PTPN3: variants seen among roughly 807,000 people sequenced by gnomAD.
PTPN3 encodes the protein protein tyrosine phosphatase non-receptor type 3, also known as tyrosine-protein phosphatase non-receptor type 3.
PTPN3 carries 96 observed loss-of-function variants against 132.7 expected under a neutral mutation model. The observed-to-expected ratio is 0.72, with a 90% CI of 0.61 to 0.86. The LOEUF (loss-of-function observed/expected upper bound fraction) is 0.86, where lower values mean the gene tolerates loss of function less well. Among genes scored for constraint, PTPN3 ranks in the 40% least tolerant of loss-of-function variants. The pLI is 0.00. For missense variants in PTPN3, 1,125 were observed against 1,159.6 expected, an observed-to-expected ratio of 0.97 and a Z score of 0.43; for synonymous variants, 398 against 429.0, an observed-to-expected ratio of 0.93 and a Z score of 0.89.
At chr9:109,388,038 G>C (rs1839747408) in intron 22 of PTPN3, among the ~76,000 whole-genome samples, 1 of 152,238 alleles carries the variant, frequency 6.6e-6, no homozygotes, top group Non-Finnish European at 1.5e-5. Flanking sequence ...CGAGGCTGGG[G>C]AGCGGGGGTG....
At chr9:109,497,653 C>G (rs1050598103) in intron 1 of PTPN3, among the ~76,000 whole-genome samples, 1 of 152,236 alleles carries the variant, frequency 6.6e-6, no homozygotes, top group Non-Finnish European at 1.5e-5. Flanking sequence ...AGCTGTCTCA[C>G]CGCAGGTACC....
intron 14 of PTPN3, 37 bp downstream of exon 14, chr9:109,420,387 G>A (rs767425836): frequency 6.4e-7 from 1 of 1,552,248 alleles, no homozygotes; most frequent in Non-Finnish European, 8.8e-7. Context: ...CAGCCAAAAA[G>A]CAAATACCCA....
At chr9:109,520,761 G>C in the PTPN3 span, among the ~76,000 whole-genome samples, 1 of 152,192 alleles carries the variant, frequency 6.6e-6, no homozygotes, top group South Asian at 2.1e-4. Flanking sequence ...CACAAAGTGC[G>C]TCCACAGAAG....
chr9:109,452,009 C>A (rs1845278566), intron 5 of PTPN3, among the ~76,000 whole-genome samples: 1 of 152,140 alleles, frequency 6.6e-6, no homozygotes, highest in Admixed American at 6.5e-5. Flanking sequence ...GAGGCTCATG[C>A]CTGTAATCCC....
intron 1 of PTPN3, among the ~76,000 whole-genome samples, chr9:109,467,259 T>C (rs1306073273): frequency 6.8e-6 from 1 of 146,664 alleles, no homozygotes; most frequent in South Asian, 2.1e-4. Flanking sequence ...GAATCTCAGG[T>C]GGGTTACATT....
intron 3 of PTPN3, 34 bp downstream of exon 3, chr9:109,457,258 G>A (rs2132030709): frequency 2.5e-6 from 4 of 1,612,876 alleles, no homozygotes; most frequent in Middle Eastern, 1.7e-4. Flanking sequence ...AAACCGTGAA[G>A]GAGTTCAGCA....
chr9:109,410,032 T>G lies in PTPN3; in HGVS notation c.1545A>C (p.Pro515=), dbSNP rs755449481. The part of the protein sequence containing the change: ...DSYLVLIRIT[P]DEDGKFGFNL... The stretch of plus-strand genomic sequence containing the variant: ...TAAATCCAAATTTTCCATCTTCATC[T>G]GGTGTGATACGGATCAAGACTAAGT... The change falls in exon 16 of 26, where the codon CCA becomes CCC. Residue 515 remains proline, a synonymous_variant. Coordinates refer to ENST00000374541, the MANE Select transcript of PTPN3 (RefSeq NM_002829.4). 2 of 1,614,240 alleles carry G rather than the reference T, an allele frequency of 1.2e-6. No individual in the cohort carries two copies. The highest frequency in any genetic ancestry group is 1.7e-6 in the Non-Finnish European group (2 of 1,180,036).
chr9:109,458,298 C>T (rs1020947065), intron 2 of PTPN3, among the ~76,000 whole-genome samples: 5 of 152,124 alleles, frequency 3.3e-5, no homozygotes, highest in African/African-American at 7.2e-5. Context: ...TCCAGGCACA[C>T]GAGCTAAAAA....
Position 109,454,561 on chromosome 9 carries a change from A to G in PTPN3, c.303T>C (p.Cys101=). 2 of 1,613,178 alleles carry G rather than the reference A, an allele frequency of 1.2e-6. No homozygotes were observed. Among genetic ancestry groups the G allele is most frequent in the Non-Finnish European group, 1.7e-6 (2 of 1,179,414 alleles). The change falls in exon 5 of 26, where the codon TGT becomes TGC. Residue 101 remains cysteine (C), a synonymous_variant. Coordinates refer to ENST00000374541, the MANE Select transcript of PTPN3 (RefSeq NM_002829.4). ...AAAATCTTACTCGAAAATGCAGGGT[A>G]CAGGGGAAACCTCCTACAACATTTT... ...IRKQLKGGFP[C]TLHFRVRFFI... is the part of the protein sequence containing the mutation.
At chr9:109,532,896 C>T in the PTPN3 span, 1 of 1,062,892 alleles carries the variant, frequency 9.4e-7, no homozygotes, top group Non-Finnish European at 1.3e-6. Flanking sequence ...GGTGGATCGG[C>T]TGCTTTTGTC....
chr9:109,525,345 A>T, the PTPN3 span, among the ~76,000 whole-genome samples: 1 of 152,248 alleles, frequency 6.6e-6, no homozygotes, highest in Non-Finnish European at 1.5e-5. Context: ...GGCGTGAGCC[A>T]CTGCACCTAG....
chr9:109,376,277 C>T lies in PTPN3; in HGVS notation c.*3279G>A, dbSNP rs1838553150. The T allele has an allele frequency of 6.6e-6, 1 of 152,172 alleles. No individual in the cohort carries two copies. The highest frequency in any genetic ancestry group is 2.4e-5 in the African/African-American group (1 of 41,424). 9.4% of individuals were successfully genotyped at this position (152,172 alleles called of 1,614,324 possible). ...AGACCCAAGCCCTGCCTCTCACAAT[C>T]TTTCCCCATTTCTGCTGCCTCTTTG... On this transcript the variant is annotated 3_prime_UTR_variant, in exon 26 of 26. Coordinates refer to ENST00000374541, the MANE Select transcript of PTPN3 (RefSeq NM_002829.4).
chr9:109,524,409 G>A, the PTPN3 span, among the ~76,000 whole-genome samples: 1 of 151,986 alleles, frequency 6.6e-6, no homozygotes, highest in African/African-American at 2.4e-5. Flanking sequence ...CTGAAGTTCA[G>A]ATACATTAAG....
At chr9:109,502,602 T>C (rs1408088634), upstream of PTPN3, among the ~76,000 whole-genome samples, 1 of 151,880 alleles carries the variant, frequency 6.6e-6, no homozygotes, top group Admixed American at 6.6e-5. Flanking sequence ...TTGAGACCAG[T>C]CTGGGCAATG....
In PTPN3 at chr9:109,422,815, C is replaced by G. The variant is rs142980957; in HGVS notation, c.1039G>C (p.Gly347Arg). The G allele has an allele frequency of 6.2e-7, 1 of 1,612,990 alleles. No individual in the cohort carries two copies. The change falls in exon 13 of 26, where the codon GGG (glycine) becomes CGG (arginine). Residue 347 changes from glycine (G) to arginine (R), a missense_variant. Physicochemically the swap from Gly to Arg is moderately radical, Grantham distance 125 (BLOSUM62 -2). Coordinates refer to ENST00000374541, the MANE Select transcript of PTPN3 (RefSeq NM_002829.4). ...NNQYCKKVIG[G>R]MVWNPAMRRS... Reference sequence around the variant, plus strand: ...CGCATGGCTGGGTTCCACACCATCCCGCCAATCACCTTTTTGCAATATTGG... The same window carrying G: ...CGCATGGCTGGGTTCCACACCATCCGGCCAATCACCTTTTTGCAATATTGG...
intron 14 of PTPN3, among the ~76,000 whole-genome samples, chr9:109,418,891 T>C (rs1417073970): frequency 6.6e-6 from 1 of 152,164 alleles, no homozygotes; most frequent in African/African-American, 2.4e-5. Context: ...CAGGTGTGAG[T>C]GGGCTTCCCA....
intron 19 of PTPN3, chr9:109,392,604 C>CT (rs1361128925): frequency 2.6e-5 from 4 of 151,584 alleles, no homozygotes; most frequent in Non-Finnish European, 5.9e-5. Flanking sequence ...CATACTGGCA[C>CT]TTTTTTTTTC....
At chr9:109,510,576 A>AAAAATAT in the PTPN3 span, among the ~76,000 whole-genome samples, 4 of 47,334 alleles carry the variant, frequency 8.5e-5, no homozygotes, top group South Asian at 7.9e-4. Context: ...AAAAAAAAAA[A>AAAAATAT]ATATATATAT....
At chr9:109,490,234 G>C (rs1195314070) in intron 1 of PTPN3, among the ~76,000 whole-genome samples, 1 of 152,040 alleles carries the variant, frequency 6.6e-6, no homozygotes, top group Non-Finnish European at 1.5e-5. Flanking sequence ...CACTCAGCAG[G>C]GAAAGGCGTG....
Sources: gnomAD v4.1 joint callset for allele counts (sites outside exome capture counted in the v4.1 genomes callset) on GRCh38, gnomAD v4.1.1 for gene constraint, MANE v1.5 for transcripts, NCBI Gene and HGNC (gene_info 2026-07-23, HGNC 2026-07-21) for gene names.